SUCLG2: variants seen among roughly 807,000 people sequenced by gnomAD.
The protein encoded by SUCLG2 is succinate-CoA ligase GDP-forming subunit beta.
Under a neutral mutation model 47.9 loss-of-function variants are expected in SUCLG2, and 42 were observed. That is an observed-to-expected ratio of 0.88 (90% CI 0.69 to 1.14). The LOEUF is 1.14. Ranked by LOEUF, SUCLG2 falls within the 50% of genes most tolerant of loss-of-function variation. SUCLG2 has a pLI of 0.00. For synonymous variants in SUCLG2, 195 were observed against 197.3 expected, an observed-to-expected ratio of 0.99 and a Z score of 0.10; for missense variants, 571 against 525.9, an observed-to-expected ratio of 1.09 and a Z score of -0.84.
intron 1 of SUCLG2, among the ~76,000 whole-genome samples, chr3:67,622,334 A>G (rs1165812454): frequency 2.0e-5 from 3 of 152,228 alleles, no homozygotes; most frequent in African/African-American, 4.8e-5. Flanking sequence ...TTAGGAAGAT[A>G]CATACATAGA....
chr3:67,622,043 T>C (rs1458844996), intron 1 of SUCLG2, among the ~76,000 whole-genome samples: 3 of 152,164 alleles, frequency 2.0e-5, no homozygotes, highest in African/African-American at 7.2e-5. Flanking sequence ...CAGTGGCCCA[T>C]CTGAGATTCT....
At chr3:67,519,377 C>T (rs1246438603) in intron 5 of SUCLG2, among the ~76,000 whole-genome samples, 4 of 152,140 alleles carry the variant, frequency 2.6e-5, no homozygotes, top group Non-Finnish European at 5.9e-5. Flanking sequence ...CTTTCTGAAA[C>T]GTACATATAG....
chr3:67,598,886 G>A (rs952469609), intron 2 of SUCLG2, among the ~76,000 whole-genome samples: 7 of 152,168 alleles, frequency 4.6e-5, no homozygotes, highest in African/African-American at 1.7e-4. Flanking sequence ...CAGCTAAAAA[G>A]GATGGGACTA....
At chr3:67,537,647 C>G (rs1471838732) in intron 2 of SUCLG2, among the ~76,000 whole-genome samples, 3 of 152,230 alleles carry the variant, frequency 2.0e-5, no homozygotes, top group African/African-American at 7.2e-5. Context: ...AATCGCCACA[C>G]TCTCTTCTAC....
intron 1 of SUCLG2, among the ~76,000 whole-genome samples, chr3:67,646,512 T>C (rs567561639): frequency 1.3e-5 from 2 of 152,172 alleles, no homozygotes; most frequent in South Asian, 4.2e-4. Context: ...GGAGAATCAC[T>C]TGAACCTGGA....
chr3:67,536,815 G>A (rs929798416), intron 2 of SUCLG2, among the ~76,000 whole-genome samples: 1 of 152,166 alleles, frequency 6.6e-6, no homozygotes, highest in African/African-American at 2.4e-5. Flanking sequence ...GCAATTAGGA[G>A]GGCCATCTGC....
chr3:67,468,673 T>C (rs558763826), intron 9 of SUCLG2, among the ~76,000 whole-genome samples: 2 of 151,946 alleles, frequency 1.3e-5, no homozygotes, highest in Admixed American at 1.3e-4. Flanking sequence ...CCCAATTGAG[T>C]CATCACACGG....
At chr3:67,399,399 C>G (rs929555467) in intron 10 of SUCLG2, among the ~76,000 whole-genome samples, 3 of 152,166 alleles carry the variant, frequency 2.0e-5, no homozygotes, top group Non-Finnish European at 4.4e-5. Flanking sequence ...GACTGACACA[C>G]TATAGTTGCT....
At chr3:67,642,918 C>CTG (rs3221813) in intron 1 of SUCLG2, among the ~76,000 whole-genome samples, 44,608 of 146,356 alleles carry the variant, frequency 0.3, 7,448 homozygotes, top group Non-Finnish European at 0.4. Flanking sequence ...GAAAAGGACT[C>CTG]TGTGTGTGTG....
At chr3:67,513,734 C>A (rs1040223054) in intron 6 of SUCLG2, among the ~76,000 whole-genome samples, 2 of 152,212 alleles carry the variant, frequency 1.3e-5, no homozygotes, top group Non-Finnish European at 1.5e-5. Flanking sequence ...CTCATAACCA[C>A]TGCGTACAAA....
chr3:67,458,473 C>G (rs148370284), intron 9 of SUCLG2, among the ~76,000 whole-genome samples: 1 of 152,176 alleles, frequency 6.6e-6, no homozygotes, highest in African/African-American at 2.4e-5. Flanking sequence ...AGTTCCATTT[C>G]TCATCTGAGG....
intron 1 of SUCLG2, among the ~76,000 whole-genome samples, chr3:67,619,051 T>A (rs1314004897): frequency 2.0e-5 from 3 of 152,204 alleles, no homozygotes; most frequent in Non-Finnish European, 4.4e-5. Flanking sequence ...ATAATAATAA[T>A]AAAATCATCT....
At chr3:67,605,087 C>G (rs558008118) in intron 2 of SUCLG2, among the ~76,000 whole-genome samples, 10 of 152,234 alleles carry the variant, frequency 6.6e-5, no homozygotes, top group African/African-American at 2.2e-4. Flanking sequence ...GCAATAAAAT[C>G]TTATATAGAA....
chr3:67,634,931 G>A (rs1481904847), intron 1 of SUCLG2, among the ~76,000 whole-genome samples: 1 of 152,126 alleles, frequency 6.6e-6, no homozygotes, highest in African/African-American at 2.4e-5. Flanking sequence ...TAATAGCTGT[G>A]CATTCAACCA....
intron 9 of SUCLG2, chr3:67,408,913 A>G (rs950400460): frequency 6.6e-7 from 1 of 1,517,654 alleles, no homozygotes. Flanking sequence ...CTCTATAATC[A>G]GAGACTCCCA....
intron 10 of SUCLG2, among the ~76,000 whole-genome samples, chr3:67,391,368 TAAG>T (rs1398942430): frequency 2.6e-5 from 4 of 152,060 alleles, no homozygotes. Flanking sequence ...CTCGGTATGC[TAAG>T]AAGGACACAA....
At chr3:67,456,238 T>G (rs1704182986) in intron 9 of SUCLG2, among the ~76,000 whole-genome samples, 1 of 152,156 alleles carries the variant, frequency 6.6e-6, no homozygotes, top group Non-Finnish European at 1.5e-5. Flanking sequence ...TGCATAGGAC[T>G]CTCTTCCTTT....
intron 6 of SUCLG2, among the ~76,000 whole-genome samples, chr3:67,515,248 T>C (rs1274798332): frequency 6.6e-6 from 1 of 152,208 alleles, no homozygotes; most frequent in Non-Finnish European, 1.5e-5. Context: ...TAAGTATAAA[T>C]ATCTAGAATA....
chr3:67,637,997 T>A (rs554171134), intron 1 of SUCLG2, among the ~76,000 whole-genome samples: 3 of 152,224 alleles, frequency 2.0e-5, no homozygotes, highest in Non-Finnish European at 4.4e-5. Context: ...GAAGTGCTGT[T>A]TACTTTATAA....
Sources: gnomAD v4.1 joint callset for allele counts (sites outside exome capture counted in the v4.1 genomes callset) on GRCh38, gnomAD v4.1.1 for gene constraint, MANE v1.5 for transcripts, NCBI Gene and HGNC (gene_info 2026-07-23, HGNC 2026-07-21) for gene names.